UBE2G1: variants seen among roughly 807,000 people sequenced by gnomAD.
UBE2G1 encodes ubiquitin conjugating enzyme E2 G1.
UBE2G1 carries 5 observed loss-of-function variants against 22.7 expected under a neutral mutation model. The ratio of observed to expected loss-of-function variants is 0.22; its 90% CI spans 0.12 to 0.46. The LOEUF is 0.46. UBE2G1 is among the 20% of genes least tolerant of loss of function. The probability of loss-of-function intolerance (pLI) is 0.99; values close to 1 mark genes in which losing one functional copy is unlikely to be tolerated. For missense variants in UBE2G1, 88 were observed against 203.9 expected, an observed-to-expected ratio of 0.43 and a Z score of 3.46; for synonymous variants, 74 against 67.5, an observed-to-expected ratio of 1.10 and a Z score of -0.47.
intron 1 of UBE2G1, among the ~76,000 whole-genome samples, chr17:4,327,334 G>A (rs1034153144): frequency 4.6e-5 from 7 of 151,568 alleles, no homozygotes; most frequent in African/African-American, 1.7e-4. Context: ...CCGTAGTGGC[G>A]TAGTGGCGGG....
At chr17:4,321,651 T>C (rs1055744731) in intron 1 of UBE2G1, among the ~76,000 whole-genome samples, 6 of 151,948 alleles carry the variant, frequency 3.9e-5, no homozygotes, top group Admixed American at 1.3e-4. Flanking sequence ...AACCACCATG[T>C]CTGTCTTTTT....
chr17:4,356,156 G>C (rs1384518354), intron 1 of UBE2G1, among the ~76,000 whole-genome samples: 1 of 145,348 alleles, frequency 6.9e-6, no homozygotes, highest in African/African-American at 2.5e-5. Context: ...AGGAGTTCGA[G>C]AACAGCCTGA....
intron 3 of UBE2G1, among the ~76,000 whole-genome samples, chr17:4,294,142 C>A (rs977602542): frequency 6.6e-6 from 1 of 152,088 alleles, no homozygotes; most frequent in African/African-American, 2.4e-5. Flanking sequence ...TAAGACCAGG[C>A]GCGTGGCTCA....
At chr17:4,344,117 A>G (rs1394274208) in intron 1 of UBE2G1, among the ~76,000 whole-genome samples, 1 of 152,210 alleles carries the variant, frequency 6.6e-6, no homozygotes, top group Non-Finnish European at 1.5e-5. Context: ...GTTATTCTCA[A>G]TCAATCGTAA....
At chr17:4,353,361 T>A (rs1484007250) in intron 1 of UBE2G1, among the ~76,000 whole-genome samples, 1 of 151,984 alleles carries the variant, frequency 6.6e-6, no homozygotes. Flanking sequence ...ATGTGTATAA[T>A]ATTGTGGTGA....
At chr17:4,324,040 C>T (rs1435712030) in intron 1 of UBE2G1, among the ~76,000 whole-genome samples, 1 of 152,192 alleles carries the variant, frequency 6.6e-6, no homozygotes, top group Admixed American at 6.5e-5. Context: ...ACAGATTACT[C>T]ACCAGTAAAA....
chr17:4,360,681 G>A (rs1969956228), intron 1 of UBE2G1, among the ~76,000 whole-genome samples: 1 of 152,234 alleles, frequency 6.6e-6, no homozygotes, highest in African/African-American at 2.4e-5. Context: ...GGAGGCTGAG[G>A]CGGGCAGATC....
At chr17:4,315,717 G>A (rs1392556530) in intron 1 of UBE2G1, among the ~76,000 whole-genome samples, 2 of 149,626 alleles carry the variant, frequency 1.3e-5, no homozygotes, top group Non-Finnish European at 3.0e-5. Flanking sequence ...TCCAGCCTGG[G>A]CGAAAGAGCG....
In UBE2G1 at chr17:4,276,555, A is replaced by C. The variant is rs77159203; in HGVS notation, c.*38-4039T>G. Reference sequence around the variant, plus strand: ...CTTTACAGGTCAGTATAGTGTATCTATCGCATTCTATGTGTTCCTTCTTTC... The same window carrying C: ...CTTTACAGGTCAGTATAGTGTATCTCTCGCATTCTATGTGTTCCTTCTTTC... On this transcript the variant is annotated intron_variant, in intron 5 of 5. Transcript: ENST00000396981. Among the ~76,000 whole-genome samples the C allele has an allele frequency of 6.1e-3, 930 of 152,300 alleles. 4 individuals carry two copies. Among genetic ancestry groups the C allele is most frequent in the African/African-American group, 0.022 (895 of 41,554 alleles).
intron 1 of UBE2G1, among the ~76,000 whole-genome samples, chr17:4,345,383 T>C (rs914961753): frequency 2.6e-5 from 4 of 152,212 alleles, no homozygotes; most frequent in Non-Finnish European, 5.9e-5. Flanking sequence ...TTAAACAATA[T>C]TGTTCCACTT....
intron 1 of UBE2G1, among the ~76,000 whole-genome samples, chr17:4,344,865 T>TA (rs1969751849): frequency 6.6e-6 from 1 of 151,684 alleles, no homozygotes. Flanking sequence ...CCTAAATATA[T>TA]AAAAAATAAA....
intron 4 of UBE2G1, among the ~76,000 whole-genome samples, chr17:4,287,961 A>T (rs1416923839): frequency 2.0e-5 from 3 of 152,198 alleles, no homozygotes; most frequent in Non-Finnish European, 2.9e-5. Flanking sequence ...TTATATATGC[A>T]TAAACAATAA....
intron 1 of UBE2G1, among the ~76,000 whole-genome samples, chr17:4,323,428 C>T (rs1413642329): frequency 6.6e-6 from 1 of 152,098 alleles, no homozygotes; most frequent in Non-Finnish European, 1.5e-5. Flanking sequence ...TAAGGAAGAA[C>T]CTAAGAAGGC....
chr17:4,352,928 G>C (rs1315443562), intron 1 of UBE2G1, among the ~76,000 whole-genome samples: 4 of 151,940 alleles, frequency 2.6e-5, no homozygotes, highest in Non-Finnish European at 4.4e-5. Context: ...ACAAAAATCA[G>C]CCGGGTGTGG....
At chr17:4,319,723 GAAA>G (rs536232143) in intron 1 of UBE2G1, among the ~76,000 whole-genome samples, 2 of 137,898 alleles carry the variant, frequency 1.5e-5, no homozygotes, top group African/African-American at 5.3e-5. Context: ...CACCTGTGTC[GAAA>G]AAAAAAAAAG....
intron 3 of UBE2G1, among the ~76,000 whole-genome samples, chr17:4,295,353 A>G (rs1302207443): frequency 1.3e-5 from 2 of 152,224 alleles, no homozygotes; most frequent in Non-Finnish European, 2.9e-5. Flanking sequence ...CTGCTGCCTT[A>G]GATGCAATAA....
chr17:4,306,709 T>C (rs1279808865), intron 2 of UBE2G1, among the ~76,000 whole-genome samples: 1 of 151,844 alleles, frequency 6.6e-6, no homozygotes, highest in East Asian at 2.0e-4. Context: ...TGGAGTGCAA[T>C]GGCGTGGTCT....
chr17:4,338,048 T>A (rs554676170), intron 1 of UBE2G1, among the ~76,000 whole-genome samples: 51 of 152,088 alleles, frequency 3.4e-4, no homozygotes, highest in African/African-American at 1.2e-3. Flanking sequence ...CACGTGCCTG[T>A]AGTCCCAGCT....
At chr17:4,329,459 G>A (rs983327147) in intron 1 of UBE2G1, among the ~76,000 whole-genome samples, 1 of 151,786 alleles carries the variant, frequency 6.6e-6, no homozygotes, top group East Asian at 1.9e-4. Context: ...TGGGGAGGCT[G>A]AGGCAGGAGG....
Sources: gnomAD v4.1 joint callset for allele counts (sites outside exome capture counted in the v4.1 genomes callset) on GRCh38, gnomAD v4.1.1 for gene constraint, MANE v1.5 for transcripts, NCBI Gene and HGNC (gene_info 2026-07-23, HGNC 2026-07-21) for gene names.